The following VAV3 variants were observed in gnomAD, a reference collection of about 807,000 sequenced individuals.
VAV3 encodes guanine nucleotide exchange factor VAV3.
Under a neutral mutation model 131.2 loss-of-function variants are expected in VAV3, and 94 were observed. That is an observed-to-expected ratio of 0.72 (90% CI 0.61 to 0.85). VAV3 has a LOEUF of 0.85. Ranked by LOEUF, VAV3 falls within the 40% of genes least tolerant of loss-of-function variation. The pLI is 0.00. For synonymous variants in VAV3, 349 were observed against 342.0 expected (o/e 1.02, Z -0.22); for missense variants, 939 against 1,002.7 (o/e 0.94, Z 0.86).
At chr1:107,640,831 G>C (rs915098519) in intron 20 of VAV3, among the ~76,000 whole-genome samples, 8 of 151,930 alleles carry the variant, frequency 5.3e-5, no homozygotes, top group African/African-American at 1.7e-4. Flanking sequence ...GGCATGACCA[G>C]ACAAAAGGCT....
At position 107,765,192 on chromosome 1, in the gene VAV3, AC is replaced by A; in HGVS notation, c.822-18del. On this transcript the variant is annotated intron_variant, in intron 8 of 26. Transcript: ENST00000370056. ...ATAACCAATCTGAAAGGGAAAAAAGACAAGAAATCTCTAAGACAAAAACCAA... is the reference window on the plus strand; with the variant it reads ...ATAACCAATCTGAAAGGGAAAAAAGAAAGAAATCTCTAAGACAAAAACCAA... 1 of 1,592,084 alleles carries A rather than the reference AC, an allele frequency of 6.3e-7. No homozygotes were observed. The highest frequency in any genetic ancestry group is 8.6e-7 in the Non-Finnish European group (1 of 1,160,928).
intron 1 of VAV3, among the ~76,000 whole-genome samples, chr1:107,892,598 A>T (rs757180607): frequency 5.9e-5 from 5 of 84,940 alleles, no homozygotes; most frequent in Non-Finnish European, 1.1e-4. Context: ...AATTTAGGCA[A>T]AAACCAAAAA....
chr1:107,771,263 T>C (rs1452019476), intron 5 of VAV3, among the ~76,000 whole-genome samples: 1 of 151,652 alleles, frequency 6.6e-6, no homozygotes, highest in Non-Finnish European at 1.5e-5. Flanking sequence ...CTTTTTTTTT[T>C]TTTTTTTGAG....
intron 19 of VAV3, among the ~76,000 whole-genome samples, chr1:107,681,435 G>T (rs1375345421): frequency 1.3e-5 from 2 of 152,102 alleles, no homozygotes; most frequent in Admixed American, 6.6e-5. Context: ...GAACAAAGAA[G>T]CTTTGCAACT....
intron 1 of VAV3, among the ~76,000 whole-genome samples, chr1:107,913,006 A>G (rs781295407): frequency 6.6e-6 from 1 of 152,208 alleles, no homozygotes; most frequent in African/African-American, 2.4e-5. Context: ...GAAGATGGCA[A>G]TCTCATGTTT....
intron 1 of VAV3, among the ~76,000 whole-genome samples, chr1:107,899,891 G>A (rs1030149002): frequency 2.0e-5 from 3 of 152,126 alleles, no homozygotes; most frequent in Non-Finnish European, 4.4e-5. Flanking sequence ...ACTTTGATCT[G>A]TATCTTAGCT....
At chr1:107,622,566 T>C (rs1219206201) in intron 20 of VAV3, among the ~76,000 whole-genome samples, 1 of 152,186 alleles carries the variant, frequency 6.6e-6, no homozygotes, top group Non-Finnish European at 1.5e-5. Context: ...AATGCACTCC[T>C]GGAATAGCAC....
intron 20 of VAV3, among the ~76,000 whole-genome samples, chr1:107,635,101 C>G (rs1033816531): frequency 2.6e-5 from 4 of 151,888 alleles, no homozygotes; most frequent in African/African-American, 9.7e-5. Context: ...ACCATTTGAC[C>G]CAGCAATCCC....
intron 2 of VAV3, among the ~76,000 whole-genome samples, chr1:107,845,925 A>T (rs1165120538): frequency 6.6e-6 from 1 of 152,196 alleles, no homozygotes; most frequent in Non-Finnish European, 1.5e-5. Context: ...ACAGGCCAAC[A>T]TTCAAATTCA....
intron 15 of VAV3, among the ~76,000 whole-genome samples, chr1:107,720,018 T>C (rs372620937): frequency 6.6e-6 from 1 of 151,978 alleles, no homozygotes; most frequent in Non-Finnish European, 1.5e-5. Flanking sequence ...ATGAGAACAC[T>C]TGGACACAAG....
intron 19 of VAV3, among the ~76,000 whole-genome samples, chr1:107,652,207 G>C (rs1290127599): frequency 6.6e-6 from 1 of 152,124 alleles, no homozygotes; most frequent in Non-Finnish European, 1.5e-5. Context: ...GGCCACGGGA[G>C]TGACCTCTCC....
intron 2 of VAV3, among the ~76,000 whole-genome samples, chr1:107,805,412 T>C (rs1406944364): frequency 6.6e-6 from 1 of 152,220 alleles, no homozygotes; most frequent in African/African-American, 2.4e-5. Context: ...TCACTGATCC[T>C]TTCCTCTGCC....
intron 20 of VAV3, among the ~76,000 whole-genome samples, chr1:107,620,310 TGTCA>T (rs1409610388): frequency 6.6e-6 from 1 of 152,180 alleles, no homozygotes; most frequent in Non-Finnish European, 1.5e-5. Context: ...CATGATGACA[TGTCA>T]GTCAATGACT....
chr1:107,851,396 GAAAA>G (rs74262709), intron 2 of VAV3, among the ~76,000 whole-genome samples: 1 of 74,976 alleles, frequency 1.3e-5, no homozygotes, highest in Non-Finnish European at 2.8e-5. Flanking sequence ...AAAACACTCA[GAAAA>G]AAAAAAAAAA....
chr1:107,646,236 A>G (rs17019602), intron 19 of VAV3, among the ~76,000 whole-genome samples: 29,231 of 151,960 alleles, frequency 0.19, 2,843 homozygotes, highest in Middle Eastern at 0.25. Flanking sequence ...TCCTTAAAAA[A>G]TGACAAGAAA....
chr1:107,598,111 T>A (rs1651534806), intron 24 of VAV3, among the ~76,000 whole-genome samples: 1 of 152,274 alleles, frequency 6.6e-6, no homozygotes, highest in East Asian at 1.9e-4. Context: ...CCCAGCACTT[T>A]GAGAGGCTGA....
At chr1:107,871,905 T>C (rs974458913) in intron 2 of VAV3, among the ~76,000 whole-genome samples, 1 of 152,182 alleles carries the variant, frequency 6.6e-6, no homozygotes, top group Non-Finnish European at 1.5e-5. Context: ...CATGCCTATT[T>C]AGAGTAAACA....
intron 19 of VAV3, among the ~76,000 whole-genome samples, chr1:107,675,144 A>G (rs1304715826): frequency 7.9e-5 from 12 of 152,226 alleles, no homozygotes. Flanking sequence ...TTTCTGATTC[A>G]CAGAAACTGA....
At chr1:107,655,157 C>T (rs560880237) in intron 19 of VAV3, among the ~76,000 whole-genome samples, 6 of 152,116 alleles carry the variant, frequency 3.9e-5, no homozygotes, top group East Asian at 1.9e-4. Flanking sequence ...GAACATAACA[C>T]AAAGCCAAAG....
Sources: allele counts gnomAD v4.1 joint callset (sites outside exome capture counted in the v4.1 genomes callset), GRCh38; gene constraint gnomAD v4.1.1; transcripts MANE v1.5; gene names NCBI Gene and HGNC (gene_info 2026-07-23, HGNC 2026-07-21).